The following EML1 variants were observed in gnomAD, a reference collection of about 807,000 sequenced individuals.
The protein encoded by EML1 is EMAP like 1.
Under a neutral mutation model 110.4 loss-of-function variants are expected in EML1, and 27 were observed. The observed-to-expected ratio is 0.24, with a 90% CI of 0.18 to 0.34. The LOEUF is 0.34. Ranked by LOEUF, EML1 falls within the 10% of genes least tolerant of loss-of-function variation. The pLI is 1.00. For synonymous variants in EML1, 344 were observed against 385.8 expected, an observed-to-expected ratio of 0.89 and a Z score of 1.27; for missense variants, 741 against 1,030.9, an observed-to-expected ratio of 0.72 and a Z score of 3.85.
At chr14:99,845,387 G>A (rs370297194) in intron 1 of EML1, among the ~76,000 whole-genome samples, 21 of 152,002 alleles carry the variant, frequency 1.4e-4, no homozygotes, top group African/African-American at 5.1e-4. Flanking sequence ...TCTCACTGTT[G>A]AGTTTGTAAA....
At chr14:99,808,509 T>A (rs1358541842) in intron 1 of EML1, among the ~76,000 whole-genome samples, 1 of 152,186 alleles carries the variant, frequency 6.6e-6, no homozygotes, top group Non-Finnish European at 1.5e-5. Flanking sequence ...TGTAAGAACT[T>A]CCAGCATTCA....
At chr14:99,844,398 G>A (rs1218658190) in intron 1 of EML1, among the ~76,000 whole-genome samples, 16 of 151,444 alleles carry the variant, frequency 1.1e-4, no homozygotes, top group Admixed American at 1.1e-3. Context: ...AGAATCACCT[G>A]AATCTGGGAG....
chr14:99,917,712 C>CA, intron 15 of EML1, 70 bp from the exon 16 acceptor site: 1 of 1,486,942 alleles, frequency 6.7e-7, no homozygotes, highest in Non-Finnish European at 9.4e-7. Flanking sequence ...TGCACGCACT[C>CA]ACGTGTGTGT....
At chr14:99,777,770 C>T (rs907121529) in intron 1 of EML1, among the ~76,000 whole-genome samples, 3 of 152,128 alleles carry the variant, frequency 2.0e-5, no homozygotes, top group African/African-American at 7.2e-5. Context: ...CCTGACTGTC[C>T]AAGTCCAAGC....
chr14:99,937,112 G>A (rs1051021899), intron 19 of EML1, among the ~76,000 whole-genome samples: 1 of 152,180 alleles, frequency 6.6e-6, no homozygotes, highest in South Asian at 2.1e-4. Flanking sequence ...GGGGGTGGGC[G>A]GGTCACACTC....
At chr14:99,829,757 C>G (rs2058419263) in intron 1 of EML1, among the ~76,000 whole-genome samples, 1 of 152,200 alleles carries the variant, frequency 6.6e-6, no homozygotes, top group Admixed American at 6.5e-5. Flanking sequence ...TCATACAATA[C>G]TAGTCTTTTT....
chr14:99,865,696 A>C, intron 3 of EML1, 50 bp downstream of exon 3: 2 of 1,588,338 alleles, frequency 1.3e-6, no homozygotes, highest in Non-Finnish European at 1.7e-6. Flanking sequence ...GTTCTCTCTT[A>C]GATTCCAACA....
chr14:99,764,285 C>T (rs1314827754), intron 1 of EML1, among the ~76,000 whole-genome samples: 5 of 152,234 alleles, frequency 3.3e-5, no homozygotes, highest in South Asian at 2.1e-4. Flanking sequence ...CCTTCCTTCT[C>T]GCAGCAGCCC....
chr14:99,907,640 T>A lies in EML1; in HGVS notation c.1011T>A (p.Asn337Lys). The change falls in exon 10 of 22, where the codon AAT (asparagine) becomes AAA (lysine). Residue 337 changes from asparagine to lysine, a missense_variant and splice_region_variant. Physicochemically the swap from Asn to Lys is moderately conservative, Grantham distance 94. Around this residue, in one of 4 missense-constraint regions of EML1, gnomAD observed 388 missense variants for 605.6 expected, o/e 0.64. Transcript: ENST00000262233. ...CCTGTGAATAACTTTCTTTTCAGAA[T>A]GGAGGAACCAATCTCTGTGCTGTGG... ...AVTCIAFSKS[N>K]GGTNLCAVDD... 1 of 1,614,010 alleles carries A rather than the reference T, an allele frequency of 6.2e-7. No individual in the cohort carries two copies. Among genetic ancestry groups the A allele is most frequent in the Non-Finnish European group, 8.5e-7 (1 of 1,179,950 alleles).
chr14:99,767,770 T>A (rs919485731), intron 1 of EML1, among the ~76,000 whole-genome samples: 1 of 152,212 alleles, frequency 6.6e-6, no homozygotes, highest in African/African-American at 2.4e-5. Context: ...CAGGTGGCTT[T>A]GTCTTGCATT....
At chr14:99,802,411 G>A (rs964873589) in intron 1 of EML1, among the ~76,000 whole-genome samples, 3 of 152,062 alleles carry the variant, frequency 2.0e-5, no homozygotes, top group African/African-American at 7.3e-5. Flanking sequence ...AGGTGGGAAG[G>A]GCAGTCCAGG....
At chr14:99,866,019 A>G (rs150579980) in intron 3 of EML1, among the ~76,000 whole-genome samples, 68 of 152,358 alleles carry the variant, frequency 4.5e-4, no homozygotes, top group Middle Eastern at 3.4e-3. Flanking sequence ...ATTTTTCTCT[A>G]TGCAATTTGG....
intron 9 of EML1, 27 bp downstream of exon 9, chr14:99,901,066 T>C: frequency 6.3e-7 from 1 of 1,580,352 alleles, no homozygotes; most frequent in Non-Finnish European, 8.7e-7. Flanking sequence ...TGGATATTGC[T>C]GTCTTCTTCC....
rs186293853 is a variant in EML1, at chr14:99,759,124, T to C, written c.28+21264T>C. On this transcript the variant is annotated intron_variant, in intron 1 of 10. Transcript: ENST00000554479. ...CTGAGGTGTAGTGGCCTGAGAGTCA[T>C]GGAGCAAACACTGGGCTGGTAGTCA... 4.7e-3 allele frequency among the ~76,000 whole-genome samples: 720 copies of C among 152,312 alleles called. 7 individuals carry two copies. Among genetic ancestry groups the C allele is most frequent in the African/African-American group, 0.016 (681 of 41,570 alleles).
intron 9 of EML1, among the ~76,000 whole-genome samples, chr14:99,901,717 CTT>C (rs2059766697): frequency 6.6e-6 from 1 of 152,162 alleles, no homozygotes; most frequent in South Asian, 2.1e-4. Flanking sequence ...AGAGGTCACT[CTT>C]GTCGCCATCT....
intron 1 of EML1, chr14:99,850,361 A>G: frequency 7.8e-7 from 1 of 1,289,014 alleles, no homozygotes; most frequent in South Asian, 1.2e-5. Context: ...CATAATTGTA[A>G]GGGTAGCTTG....
At chr14:99,919,431 C>CACACAGACACAG (rs1424669064) in intron 16 of EML1, among the ~76,000 whole-genome samples, 2 of 141,446 alleles carry the variant, frequency 1.4e-5, no homozygotes, top group African/African-American at 5.3e-5. Flanking sequence ...CACAGACACA[C>CACACAGACACAG]ACACACACAC....
chr14:99,823,850 G>A (rs778729875), intron 1 of EML1, among the ~76,000 whole-genome samples: 4 of 152,128 alleles, frequency 2.6e-5, no homozygotes, highest in African/African-American at 4.8e-5. Flanking sequence ...GGAGTCAGGC[G>A]CCATTTCCTC....
At chr14:99,920,051 G>A (rs190312122) in intron 16 of EML1, among the ~76,000 whole-genome samples, 24 of 152,202 alleles carry the variant, frequency 1.6e-4, no homozygotes, top group Non-Finnish European at 7.4e-5. Context: ...ATAACAGGCA[G>A]GAGAGTTCAG....
Sources: allele counts gnomAD v4.1 joint callset (sites outside exome capture counted in the v4.1 genomes callset), GRCh38; gene constraint gnomAD v4.1.1; regional missense constraint gnomAD v4.1.1; transcripts MANE v1.5; gene names NCBI Gene and HGNC (gene_info 2026-07-23, HGNC 2026-07-21).